The following MTMR7 variants were observed in gnomAD, a reference collection of about 807,000 sequenced individuals.
MTMR7 encodes myotubularin related protein 7.
Under a neutral mutation model 81.2 loss-of-function variants are expected in MTMR7, and 76 were observed. The observed-to-expected ratio is 0.94, with a 90% confidence interval of 0.78 to 1.13. MTMR7 has a LOEUF of 1.13. MTMR7 is among the 50% of genes most tolerant of loss of function. The pLI is 0.00. For synonymous variants in MTMR7, 372 were observed against 289.8 expected (o/e 1.28, Z -2.88); for missense variants, 1,044 against 820.0 (o/e 1.27, Z -3.34).
chr8:17,299,820 G>T lies in MTMR7; in HGVS notation c.*42C>A, dbSNP rs1197369107. 2 of 1,600,332 alleles carry T rather than the reference G, an allele frequency of 1.2e-6. No individual in the cohort carries two copies. The highest frequency in any genetic ancestry group is 1.7e-5 in the Admixed American group (1 of 58,384). The stretch of plus-strand genomic sequence containing the variant: ...ACCTTGTTCCCTTGTTTTTGGAAGT[G>T]TTGCTTATGTGTCCTTTACTTTGGA... On this transcript the variant is annotated 3_prime_UTR_variant, in exon 14 of 14. Transcript: ENST00000180173.
intron 8 of MTMR7, 76 bp from the exon 9 acceptor site, chr8:17,311,712 T>G: frequency 6.3e-7 from 1 of 1,599,120 alleles, no homozygotes; most frequent in Non-Finnish European, 8.5e-7. Context: ...CAGCCAGGTT[T>G]GACTGTATAT....
At chr8:17,343,274 A>G (rs1819458412) in intron 5 of MTMR7, among the ~76,000 whole-genome samples, 1 of 152,040 alleles carries the variant, frequency 6.6e-6, no homozygotes, top group South Asian at 2.1e-4. Flanking sequence ...TAAAAATACA[A>G]CAAACATTAG....
intron 1 of MTMR7, among the ~76,000 whole-genome samples, chr8:17,374,374 G>C (rs1312962688): frequency 6.6e-6 from 1 of 152,088 alleles, no homozygotes; most frequent in Admixed American, 6.6e-5. Context: ...TGTAATCCCA[G>C]CACTTTGGGA....
Position 17,299,748 on chromosome 8 carries a change from A to T in MTMR7, c.*114T>A. Reference sequence around the variant, plus strand: ...TTTTTCCCTTTTCATAGCTGCATTAAAGTAGTTCTCAATGACATGCACCAT... The same window carrying T: ...TTTTTCCCTTTTCATAGCTGCATTATAGTAGTTCTCAATGACATGCACCAT... On this transcript the variant is annotated 3_prime_UTR_variant, in exon 14 of 14. Transcript: ENST00000180173. 1 of 1,445,870 alleles carries T rather than the reference A, an allele frequency of 6.9e-7. No homozygotes were observed. The highest frequency in any genetic ancestry group is 9.4e-7 in the Non-Finnish European group (1 of 1,067,852). The allele number at this position is 1,445,870 out of a possible 1,614,324, so 89.6% of individuals were successfully genotyped here. A position where few individuals can be genotyped will look rare whatever the true frequency, so the allele number is the denominator to read the frequency against.
At chr8:17,319,798 C>T (rs570687545) in intron 7 of MTMR7, among the ~76,000 whole-genome samples, 7 of 152,282 alleles carry the variant, frequency 4.6e-5, no homozygotes, top group Middle Eastern at 6.8e-3. Flanking sequence ...ATTAATGCCT[C>T]TCAACCTCAG....
chr8:17,385,203 A>G (rs898505595), intron 1 of MTMR7, among the ~76,000 whole-genome samples: 1 of 152,094 alleles, frequency 6.6e-6, no homozygotes, highest in Non-Finnish European at 1.5e-5. Flanking sequence ...TGTAACCCCC[A>G]GTGTTGGAGG....
chr8:17,345,080 A>G lies in MTMR7; in HGVS notation c.598-3583T>C, dbSNP rs144931899. ...GACTAAGCATCTCTAACCATGATCTATAAAGCTGTTAATAGCTGGATATTC... is the reference window on the plus strand; with the variant it reads ...GACTAAGCATCTCTAACCATGATCTGTAAAGCTGTTAATAGCTGGATATTC... On this transcript the variant is annotated intron_variant, in intron 5 of 13. Transcript: ENST00000180173. Among the ~76,000 whole-genome samples, 18 of 152,348 alleles carry G rather than the reference A, an allele frequency of 1.2e-4. 1 individual carries two copies. The highest frequency in any genetic ancestry group is 4.1e-4 in the African/African-American group (17 of 41,598).
intron 7 of MTMR7, among the ~76,000 whole-genome samples, chr8:17,323,748 T>C (rs1265469289): frequency 6.6e-6 from 1 of 152,144 alleles, no homozygotes; most frequent in Non-Finnish European, 1.5e-5. Context: ...CAAGCAAATA[T>C]CGAACTGCCA....
intron 1 of MTMR7, among the ~76,000 whole-genome samples, chr8:17,394,425 C>T (rs150187850): frequency 3.3e-5 from 5 of 152,136 alleles, no homozygotes; most frequent in East Asian, 1.9e-4. Context: ...TCTTAAGTTA[C>T]GCTTAACTGA....
At position 17,297,275 on chromosome 8, in the gene MTMR7, A is replaced by AATC. The variant is rs1306737107; in HGVS notation, c.*2584_*2586dup. 1 of 152,112 alleles carries AATC rather than the reference A, an allele frequency of 6.6e-6. No individual in the cohort carries two copies. Among genetic ancestry groups the AATC allele is most frequent in the Admixed American group, 6.5e-5 (1 of 15,274 alleles). 9.4% of individuals were successfully genotyped at this position (152,112 alleles called of 1,614,324 possible). On this transcript the variant is annotated 3_prime_UTR_variant, in exon 14 of 14. Transcript: ENST00000180173. The stretch of plus-strand genomic sequence containing the variant: ...TTAAAATAGAAGAAAATTCTAAATC[A>AATC]ATCAATCAGTGAGATATAAACTAAA...
At chr8:17,391,270 C>A (rs533744069) in intron 1 of MTMR7, among the ~76,000 whole-genome samples, 28 of 152,180 alleles carry the variant, frequency 1.8e-4, no homozygotes, top group African/African-American at 6.7e-4. Context: ...TAGGAAGCAA[C>A]TGGAAGGTTT....
intron 1 of MTMR7, among the ~76,000 whole-genome samples, chr8:17,406,771 A>G (rs1303636820): frequency 6.6e-6 from 1 of 152,244 alleles, no homozygotes; most frequent in Non-Finnish European, 1.5e-5. Context: ...ATGCAGGATT[A>G]GCCACAGAAC....
At chr8:17,304,264 T>C (rs1817308370) in intron 12 of MTMR7, 115 bp downstream of exon 12, 2 of 1,199,428 alleles carry the variant, frequency 1.7e-6, no homozygotes, top group Non-Finnish European at 2.3e-6. Flanking sequence ...CTGGTGTCTT[T>C]TGTGTCCAAT....
chr8:17,409,437 C>G (rs1250699909), intron 1 of MTMR7, among the ~76,000 whole-genome samples: 1 of 152,110 alleles, frequency 6.6e-6, no homozygotes, highest in Non-Finnish European at 1.5e-5. Context: ...GCACTCCAGC[C>G]TGGGCCACAG....
At chr8:17,394,912 T>A (rs554422418) in intron 1 of MTMR7, among the ~76,000 whole-genome samples, 2 of 152,262 alleles carry the variant, frequency 1.3e-5, no homozygotes, top group South Asian at 2.1e-4. Context: ...GTATTTTTTT[T>A]AAATGTCACA....
intron 1 of MTMR7, among the ~76,000 whole-genome samples, chr8:17,376,794 G>C (rs1363352679): frequency 1.3e-5 from 2 of 152,096 alleles, no homozygotes; most frequent in Non-Finnish European, 2.9e-5. Flanking sequence ...CCTAATCCTA[G>C]TTTACTAAGA....
At chr8:17,398,605 A>T (rs1299397126) in intron 1 of MTMR7, among the ~76,000 whole-genome samples, 7 of 152,168 alleles carry the variant, frequency 4.6e-5, no homozygotes, top group Admixed American at 2.0e-4. Context: ...CTTAAAGAGG[A>T]GGTAGAGAAA....
intron 1 of MTMR7, among the ~76,000 whole-genome samples, chr8:17,405,885 A>G (rs1355494439): frequency 1.3e-5 from 2 of 150,278 alleles, no homozygotes; most frequent in Admixed American, 1.3e-4. Context: ...CACACCACAG[A>G]GAAAATGGAC....
chr8:17,357,873 T>C (rs931693924), intron 4 of MTMR7, among the ~76,000 whole-genome samples: 7 of 152,088 alleles, frequency 4.6e-5, no homozygotes, highest in African/African-American at 1.2e-4. Flanking sequence ...GTGTATGCCA[T>C]AAGTGTGCCA....
Sources: gnomAD v4.1 joint callset for allele counts (sites outside exome capture counted in the v4.1 genomes callset) on GRCh38, gnomAD v4.1.1 for gene constraint, MANE v1.5 for transcripts, NCBI Gene and HGNC (gene_info 2026-07-23, HGNC 2026-07-21) for gene names.